UCP2: variants seen among roughly 807,000 people sequenced by gnomAD.
UCP2 encodes uncoupling protein 2.
Under a neutral mutation model 31.3 loss-of-function variants are expected in UCP2, and 27 were observed. The ratio of observed to expected loss-of-function variants is 0.86; its 90% CI spans 0.64 to 1.19. The LOEUF is 1.19. Ranked by LOEUF, UCP2 falls within the 50% of genes most tolerant of loss-of-function variation. The pLI, the probability that UCP2 is intolerant of heterozygous loss-of-function variation, is 0.00. For synonymous variants in UCP2, 142 were observed against 157.4 expected (o/e 0.90, Z 0.73); for missense variants, 377 against 413.5 (o/e 0.91, Z 0.76).
At chr11:73,981,982 C>A (rs1044209716) in intron 1 of UCP2, among the ~76,000 whole-genome samples, 1 of 152,224 alleles carries the variant, frequency 6.6e-6, no homozygotes, top group South Asian at 2.1e-4. Context: ...GGTCCCAGGT[C>A]GGGCTGTGAG....
Position 73,975,022 on chromosome 11 carries a change from T to C in UCP2, c.915A>G (p.Arg305=), listed in dbSNP as rs1565182854. 1 of 1,608,108 alleles carries C rather than the reference T, an allele frequency of 6.2e-7. No homozygotes were observed. The highest frequency in any genetic ancestry group is 1.1e-5 in the South Asian group (1 of 90,704). ...KRALMAACTS[R]EAPF ...CAGGAGAGGCTCAGAAGGGAGCCTC[T>C]CGGGAAGTGCAGGCAGCCATGAGGG... is the stretch of plus-strand genomic sequence containing the variant. The change falls in exon 8 of 8, where the codon CGA becomes CGG. Residue 305 remains arginine, a synonymous_variant. Transcript: ENST00000663595.
chr11:73,976,019 A>G (rs45605931), intron 6 of UCP2, among the ~76,000 whole-genome samples: 3,062 of 152,060 alleles, frequency 0.02, 111 homozygotes, highest in African/African-American at 0.068. Context: ...TGAGCCATTA[A>G]TCACCCCACT....
In UCP2 at chr11:73,975,112, G is replaced by C. The variant is rs1349229328; in HGVS notation, c.825C>G (p.Pro275=). The C allele has an allele frequency of 6.2e-7, 1 of 1,612,518 alleles. No homozygotes were observed. Among genetic ancestry groups the C allele is most frequent in the Admixed American group, 1.7e-5 (1 of 59,794 alleles). ...TCCAGGAACCCAAGCGGAGAAAGGA[G>C]GGCATGAACCTAGAGGAGAAAAATC... ...GPRAFYKGFM[P]SFLRLGSWNV... The change falls in exon 8 of 8, where the codon CCC becomes CCG. Residue 275 remains proline (P), a synonymous_variant. Transcript: ENST00000663595.
Position 73,978,429 on chromosome 11 carries a change from G to T in UCP2, c.-51C>A, listed in dbSNP as rs561404186. The T allele has an allele frequency of 6.2e-7, 1 of 1,612,554 alleles. No individual in the cohort carries two copies. Among genetic ancestry groups the T allele is most frequent in the Admixed American group, 1.7e-5 (1 of 59,930 alleles). ...GGAGATGGAGAAAAACTGGAGACAG[G>T]GGCACCTTTAATCAGCAACAAGACG... On this transcript the variant is annotated 5_prime_UTR_variant, in exon 3 of 8. Coordinates refer to ENST00000663595, the MANE Select transcript of UCP2 (RefSeq NM_003355.3).
upstream of UCP2, chr11:73,982,889 G>GC (rs550110823): frequency 2.8e-4 from 43 of 152,438 alleles, 1 homozygote; most frequent in East Asian, 7.6e-3. Flanking sequence ...CGGGGGCGGG[G>GC]CCCGGGGTGG....
intron 2 of UCP2, chr11:73,979,841 A>G (rs1392612594): frequency 6.6e-6 from 1 of 151,962 alleles, no homozygotes; most frequent in East Asian, 1.9e-4. Context: ...ACAAACCCCA[A>G]AAAACCTAAG....
chr11:73,980,774 A>C (rs988138271), intron 2 of UCP2: 1 of 152,234 alleles, frequency 6.6e-6, no homozygotes, highest in Non-Finnish European at 1.5e-5. Context: ...TTTCACAAGG[A>C]AAGTTCTCAC....
intron 2 of UCP2, chr11:73,978,777 T>C (rs1177649904): frequency 1.9e-5 from 6 of 324,190 alleles, no homozygotes; most frequent in Non-Finnish European, 3.6e-5. Context: ...TTGTCTGCTG[T>C]ATGCAGAGAT....
intron 4 of UCP2, 72 bp downstream of exon 4, chr11:73,977,814 G>T (rs904491067): frequency 1.3e-6 from 2 of 1,598,800 alleles, no homozygotes; most frequent in Non-Finnish European, 1.7e-6. Flanking sequence ...AAACTATATG[G>T]CTGAATGAAC....
intron 2 of UCP2, chr11:73,981,152 A>AG (rs1371288799): frequency 6.6e-6 from 1 of 152,228 alleles, no homozygotes; most frequent in Non-Finnish European, 1.5e-5. Flanking sequence ...GTCAAAAGCT[A>AG]GCATCAATAT....
chr11:73,979,878 C>G (rs887873106), intron 2 of UCP2: 63 of 151,872 alleles, frequency 4.1e-4, no homozygotes, highest in African/African-American at 1.4e-3. Context: ...TAACATTTAG[C>G]TAGGTGATTT....
chr11:73,976,988 C>A lies in UCP2; in HGVS notation c.367G>T (p.Gly123Cys). ...HASIGSRLLA[G>C]STTGALAVAV... Reference sequence around the variant, plus strand: ...ACAGCCAGGGCACCTGTGGTGCTGCCTGCTAGGAGGCGGCTCCCAATGCTG... The same window carrying A: ...ACAGCCAGGGCACCTGTGGTGCTGCATGCTAGGAGGCGGCTCCCAATGCTG... Residue 123 changes from glycine to cysteine, a missense_variant, in exon 5 of 8, where the codon GGC (glycine) becomes TGC (cysteine). Gly to Cys is a radical substitution (Grantham distance 159). Coordinates refer to ENST00000663595, the MANE Select transcript of UCP2 (RefSeq NM_003355.3). 1 of 1,603,182 alleles carries A rather than the reference C, an allele frequency of 6.2e-7. No homozygotes were observed. The highest frequency in any genetic ancestry group is 1.1e-5 in the South Asian group (1 of 90,142).
chr11:73,980,598 A>G (rs1270964069), intron 2 of UCP2: 2 of 152,180 alleles, frequency 1.3e-5, no homozygotes, highest in Non-Finnish European at 2.9e-5. Context: ...GCACTGTATT[A>G]GCTCAATCCT....
chr11:73,975,791 A>C, intron 6 of UCP2, 120 bp from the exon 7 acceptor site: 1 of 1,253,974 alleles, frequency 8.0e-7, no homozygotes, highest in South Asian at 1.3e-5. Context: ...GCTGGGCACA[A>C]TGTCTCATGC....
intron 2 of UCP2, among the ~76,000 whole-genome samples, chr11:73,979,564 C>CAAAA (rs769193946): frequency 3.3e-5 from 5 of 150,872 alleles, no homozygotes; most frequent in African/African-American, 4.9e-5. Context: ...GACAAACAAA[C>CAAAA]AAAAAAAAAC....
chr11:73,979,211 C>A (rs1320713119), intron 2 of UCP2, among the ~76,000 whole-genome samples: 1 of 152,162 alleles, frequency 6.6e-6, no homozygotes, highest in Non-Finnish European at 1.5e-5. Context: ...AAGGAGGGAA[C>A]AACTAATGCC....
chr11:73,977,773 C>T (rs1381699033), intron 4 of UCP2, 113 bp downstream of exon 4: 4 of 1,427,128 alleles, frequency 2.8e-6, no homozygotes, highest in Non-Finnish European at 2.9e-6. Flanking sequence ...TCTCTGTTCC[C>T]CTGATCTTCC....
intron 4 of UCP2, among the ~76,000 whole-genome samples, chr11:73,977,266 T>C (rs1448382246): frequency 1.3e-5 from 2 of 152,212 alleles, no homozygotes; most frequent in Admixed American, 6.5e-5. Flanking sequence ...CTTTCTTTCA[T>C]AAAACATTTT....
chr11:73,976,748 G>A lies in UCP2; in HGVS notation c.533-6C>T, dbSNP rs747516927. 7 of 1,614,200 alleles carry A rather than the reference G, an allele frequency of 4.3e-6. No individual in the cohort carries two copies. The highest frequency in any genetic ancestry group is 2.2e-5 in the South Asian group (2 of 91,084). ...AGCAACATTGGGAGAGGTCCCTGTA[G>A]GAGGAGGAAGATCCTGGGTGAGACC... On this transcript the variant is annotated splice_region_variant and splice_polypyrimidine_tract_variant and intron_variant, in intron 5 of 7. Coordinates refer to ENST00000663595, the MANE Select transcript of UCP2 (RefSeq NM_003355.3).
Sources: gnomAD v4.1 joint callset for allele counts (sites outside exome capture counted in the v4.1 genomes callset) on GRCh38, gnomAD v4.1.1 for gene constraint, MANE v1.5 for transcripts, NCBI Gene and HGNC (gene_info 2026-07-23, HGNC 2026-07-21) for gene names.